Variants in PPP1R21 observed in about 807,000 individuals in gnomAD.
PPP1R21 encodes the protein KLRAQ motif containing 1.
In PPP1R21, 85 loss-of-function variants were observed where a neutral mutation model predicts 112.8. That is an observed-to-expected ratio of 0.75 (90% CI 0.63 to 0.90). The LOEUF is 0.90. Ranked by LOEUF, PPP1R21 falls within the 40% of genes least tolerant of loss-of-function variation. The pLI, the probability that PPP1R21 is intolerant of heterozygous loss-of-function variation, is 0.00. For synonymous variants in PPP1R21, 381 were observed against 322.3 expected (o/e 1.18, Z -1.95); for missense variants, 1,199 against 901.5 (o/e 1.33, Z -4.23).
intron 1 of PPP1R21, among the ~76,000 whole-genome samples, chr2:48,441,948 C>G (rs944565102): frequency 6.6e-6 from 1 of 152,170 alleles, no homozygotes. Context: ...TTTCATTCGA[C>G]AAATAGCAAG....
Position 48,514,987 on chromosome 2 carries a change from G to A in PPP1R21, c.*243G>A. On this transcript the variant is annotated 3_prime_UTR_variant, in exon 22 of 22. Transcript: ENST00000294952. ...CAATACGTATGTCATGGATATTGTA[G>A]GTTTCCTTATGCTGTTTTTACTGTG... 1 of 492,036 alleles carries A rather than the reference G, an allele frequency of 2.0e-6. No homozygotes were observed. Among genetic ancestry groups the A allele is most frequent in the Non-Finnish European group, 3.6e-6 (1 of 280,596 alleles). The allele number at this position is 492,036 out of a possible 1,614,324, so 30.5% of individuals were successfully genotyped here.
At chr2:48,453,046 C>G (rs930603683) in intron 2 of PPP1R21, among the ~76,000 whole-genome samples, 2 of 151,868 alleles carry the variant, frequency 1.3e-5, no homozygotes, top group African/African-American at 2.4e-5. Flanking sequence ...CTCTGCCTCC[C>G]TGGTTTGAGT....
chr2:48,509,619 C>T (rs1160011303), intron 19 of PPP1R21, among the ~76,000 whole-genome samples: 2 of 151,880 alleles, frequency 1.3e-5, no homozygotes, highest in Non-Finnish European at 2.9e-5. Context: ...GCAGGAGGAT[C>T]ACTTGAACCC....
At chr2:48,475,914 A>T (rs886381566) in intron 12 of PPP1R21, among the ~76,000 whole-genome samples, 2 of 152,134 alleles carry the variant, frequency 1.3e-5, no homozygotes, top group Non-Finnish European at 2.9e-5. Context: ...AGAATGCCAT[A>T]ATTTTTCTGG....
At chr2:48,465,698 T>G in intron 9 of PPP1R21, 56 bp downstream of exon 9, 1 of 1,543,532 alleles carries the variant, frequency 6.5e-7, no homozygotes, top group Non-Finnish European at 8.8e-7. Flanking sequence ...GGAGATATTG[T>G]TTGTTTTTAG....
chr2:48,451,353 T>C (rs376647347), intron 2 of PPP1R21, among the ~76,000 whole-genome samples: 2 of 152,246 alleles, frequency 1.3e-5, no homozygotes, highest in Admixed American at 1.3e-4. Flanking sequence ...TAGCTCGGTT[T>C]ATCTGGATTA....
chr2:48,475,495 C>T (rs948513103), intron 12 of PPP1R21, among the ~76,000 whole-genome samples: 8 of 152,070 alleles, frequency 5.3e-5, no homozygotes, highest in East Asian at 1.9e-4. Flanking sequence ...CAACAAGTAG[C>T]GTAGGGGAGC....
At chr2:48,502,773 C>T (rs554787715) in intron 17 of PPP1R21, among the ~76,000 whole-genome samples, 8 of 150,966 alleles carry the variant, frequency 5.3e-5, no homozygotes, top group Admixed American at 6.6e-5. Context: ...CTCCGCTTCC[C>T]GGGTTCACGC....
At chr2:48,441,342 G>C (rs750292046) in intron 1 of PPP1R21, 2 of 406,914 alleles carry the variant, frequency 4.9e-6, no homozygotes, top group Non-Finnish European at 9.2e-6. Flanking sequence ...GAAAGGTGTG[G>C]ACCACTCCTC....
chr2:48,465,744 C>A, intron 9 of PPP1R21, 102 bp downstream of exon 9: 1 of 1,025,682 alleles, frequency 9.7e-7, no homozygotes, highest in Non-Finnish European at 1.3e-6. Context: ...CTGCAAAGGA[C>A]ATGGAAAAAA....
intron 12 of PPP1R21, among the ~76,000 whole-genome samples, chr2:48,479,065 T>A (rs1668886425): frequency 6.6e-6 from 1 of 152,102 alleles, no homozygotes; most frequent in Non-Finnish European, 1.5e-5. Flanking sequence ...GAACTCCTGT[T>A]GATGAGCTGG....
At chr2:48,514,259 T>C (rs1254958846) in intron 21 of PPP1R21, among the ~76,000 whole-genome samples, 1 of 152,006 alleles carries the variant, frequency 6.6e-6, no homozygotes, top group East Asian at 1.9e-4. Flanking sequence ...CTAATTTTTT[T>C]GTATTTTTAA....
intron 15 of PPP1R21, among the ~76,000 whole-genome samples, chr2:48,494,990 G>T (rs1329999410): frequency 6.6e-6 from 1 of 152,144 alleles, no homozygotes; most frequent in East Asian, 1.9e-4. Flanking sequence ...ACAGGGGTGA[G>T]CCACCACTCC....
intron 1 of PPP1R21, chr2:48,441,269 G>T (rs996001670): frequency 1.8e-5 from 10 of 547,796 alleles, no homozygotes; most frequent in Admixed American, 1.1e-4. Context: ...GAAGTAGCGG[G>T]CTTGGGACTG....
chr2:48,502,126 G>C (rs1416058717), intron 17 of PPP1R21: 1 of 152,118 alleles, frequency 6.6e-6, no homozygotes, highest in Non-Finnish European at 1.5e-5. Flanking sequence ...ACATATGTAA[G>C]TGAAAAAAAT....
intron 14 of PPP1R21, among the ~76,000 whole-genome samples, chr2:48,487,170 G>A (rs77008296): frequency 6.6e-6 from 1 of 152,008 alleles, no homozygotes; most frequent in Non-Finnish European, 1.5e-5. Flanking sequence ...AATATAGATC[G>A]TTGTGTATAT....
chr2:48,478,041 G>T (rs965637280), intron 12 of PPP1R21, among the ~76,000 whole-genome samples: 1 of 152,180 alleles, frequency 6.6e-6, no homozygotes, highest in Non-Finnish European at 1.5e-5. Flanking sequence ...GATACAAGGG[G>T]GAAGGCCATA....
intron 1 of PPP1R21, among the ~76,000 whole-genome samples, chr2:48,442,615 A>G (rs1179143191): frequency 2.0e-5 from 3 of 152,198 alleles, no homozygotes; most frequent in Non-Finnish European, 2.9e-5. Flanking sequence ...TAGTTATGAT[A>G]TAGTACGACA....
At chr2:48,482,652 T>TG (rs1669073239) in intron 13 of PPP1R21, among the ~76,000 whole-genome samples, 5 of 151,970 alleles carry the variant, frequency 3.3e-5, no homozygotes, top group Admixed American at 3.3e-4. Flanking sequence ...ACTGTTTTTT[T>TG]TTTTTTTTTT....
Sources: gnomAD v4.1 joint callset for allele counts (sites outside exome capture counted in the v4.1 genomes callset) on GRCh38, gnomAD v4.1.1 for gene constraint, MANE v1.5 for transcripts, NCBI Gene and HGNC (gene_info 2026-07-23, HGNC 2026-07-21) for gene names.